DNAJC15: variants seen among roughly 807,000 people sequenced by gnomAD.
DNAJC15 encodes dnaJ homolog subfamily C member 15.
In DNAJC15, 27 loss-of-function variants were observed where a neutral mutation model predicts 22.4. The observed-to-expected ratio is 1.20, with a 90% CI of 0.89 to 1.66. The LOEUF (loss-of-function observed/expected upper bound fraction) is 1.66. Among genes scored for constraint, DNAJC15 ranks in the 40% most tolerant of loss-of-function variants. The pLI is 0.00. For synonymous variants in DNAJC15, 79 were observed against 63.2 expected (o/e 1.25, Z -1.19); for missense variants, 208 against 187.1 (o/e 1.11, Z -0.65).
chr13:43,086,220 A>G (rs1204300850), intron 5 of DNAJC15, among the ~76,000 whole-genome samples: 1 of 152,242 alleles, frequency 6.6e-6, no homozygotes, highest in East Asian at 1.9e-4. Flanking sequence ...TTTCCTCCAA[A>G]TCTGTGAATG....
chr13:43,050,739 C>G (rs1303204538), intron 1 of DNAJC15, among the ~76,000 whole-genome samples: 3 of 151,812 alleles, frequency 2.0e-5, no homozygotes, highest in African/African-American at 2.4e-5. Context: ...TAGATTAAAC[C>G]CTTTCAATAG....
intron 1 of DNAJC15, among the ~76,000 whole-genome samples, chr13:43,027,176 G>A (rs1021468113): frequency 3.3e-5 from 5 of 152,192 alleles, no homozygotes; most frequent in Non-Finnish European, 5.9e-5. Flanking sequence ...AACTCAGTTT[G>A]TATGAAACGG....
At chr13:43,080,845 C>T (rs1246013336) in intron 4 of DNAJC15, among the ~76,000 whole-genome samples, 2 of 152,204 alleles carry the variant, frequency 1.3e-5, no homozygotes, top group Non-Finnish European at 2.9e-5. Context: ...TTTGTCCTAA[C>T]ACATTAAGTG....
At chr13:43,039,277 G>A (rs1409656389) in intron 1 of DNAJC15, among the ~76,000 whole-genome samples, 1 of 152,032 alleles carries the variant, frequency 6.6e-6, no homozygotes, top group Non-Finnish European at 1.5e-5. Context: ...CTATGATTCC[G>A]TGACATTGAC....
chr13:43,027,703 C>G (rs1164741547), intron 1 of DNAJC15, among the ~76,000 whole-genome samples: 1 of 151,552 alleles, frequency 6.6e-6, no homozygotes, highest in Admixed American at 6.6e-5. Context: ...GTTGCCCAGG[C>G]TGGAATGCAA....
At chr13:43,106,636 AT>A (rs2040798230) in intron 5 of DNAJC15, among the ~76,000 whole-genome samples, 1 of 152,042 alleles carries the variant, frequency 6.6e-6, no homozygotes, top group African/African-American at 2.4e-5. Flanking sequence ...ATTTATCTCT[AT>A]TAAGTAAATA....
chr13:43,040,150 G>A (rs1482719935), intron 1 of DNAJC15, among the ~76,000 whole-genome samples: 1 of 152,224 alleles, frequency 6.6e-6, no homozygotes, highest in African/African-American at 2.4e-5. Context: ...GAACCTTTGA[G>A]AGCAGCTGTA....
chr13:43,083,734 C>T (rs775576518), intron 4 of DNAJC15, among the ~76,000 whole-genome samples: 3 of 151,966 alleles, frequency 2.0e-5, no homozygotes, highest in Non-Finnish European at 4.4e-5. Flanking sequence ...GTGTTCATAC[C>T]TCTGGTATGA....
intron 1 of DNAJC15, among the ~76,000 whole-genome samples, chr13:43,042,970 C>A (rs1358311150): frequency 1.3e-5 from 2 of 152,100 alleles, no homozygotes; most frequent in East Asian, 3.8e-4. Flanking sequence ...AAATATGCAA[C>A]CTGGTTTGGC....
At chr13:43,031,760 A>G (rs764223444) in intron 1 of DNAJC15, among the ~76,000 whole-genome samples, 20 of 152,244 alleles carry the variant, frequency 1.3e-4, no homozygotes, top group Non-Finnish European at 2.6e-4. Context: ...TGAGAAGTAG[A>G]TGAATCCCAG....
chr13:43,023,670 G>T lies in DNAJC15; in HGVS notation c.44G>T (p.Arg15Leu), dbSNP rs2040363193. 1 of 1,612,768 alleles carries T rather than the reference G, an allele frequency of 6.2e-7. No homozygotes were observed. The highest frequency in any genetic ancestry group is 1.7e-5 in the Admixed American group (1 of 59,956). ...GVIAPVGESLRYAEYLQPSAK... is the reference protein window; with the variant it reads ...GVIAPVGESLLYAEYLQPSAK... ...ATCGCTCCAGTTGGCGAGAGTTTGC[G>T]CTACGCTGAGTACTTGCAGCCCTCG... The change falls in exon 1 of 6, where the codon CGC (arginine) becomes CTC (leucine). Residue 15 changes from arginine to leucine, a missense_variant. By Grantham distance (102) the Arg-to-Leu change is moderately radical (BLOSUM62 -2). Transcript: ENST00000379221.
chr13:43,076,514 A>G (rs2040634601), intron 3 of DNAJC15, among the ~76,000 whole-genome samples: 1 of 152,236 alleles, frequency 6.6e-6, no homozygotes, highest in African/African-American at 2.4e-5. Context: ...AAAAACAAAG[A>G]AAAAATTATA....
At position 43,024,524 on chromosome 13, in the gene DNAJC15, T is replaced by C. The variant is rs1452215929; in HGVS notation, c.108+790T>C. ...ACTCCCGGCTAATTTTTTGTATTTTTAGTAGAGACGGGGGTTTCACCGTGT... is the reference window on the plus strand; with the variant it reads ...ACTCCCGGCTAATTTTTTGTATTTTCAGTAGAGACGGGGGTTTCACCGTGT... On this transcript the variant is annotated intron_variant, in intron 1 of 5. Coordinates refer to ENST00000379221, the MANE Select transcript of DNAJC15 (RefSeq NM_013238.3). 2.0e-5 allele frequency among the ~76,000 whole-genome samples: 3 copies of C among 151,724 alleles called. No individual in the cohort carries two copies. In the East Asian group the frequency reaches 5.8e-4, roughly 29 times the overall value.
intron 1 of DNAJC15, among the ~76,000 whole-genome samples, chr13:43,036,884 G>T (rs774082322): frequency 6.6e-6 from 1 of 152,250 alleles, no homozygotes; most frequent in Non-Finnish European, 1.5e-5. Context: ...CCACAACTTT[G>T]CCCCACCCTG....
chr13:43,099,186 GGTT>G (rs1254913925), intron 5 of DNAJC15, among the ~76,000 whole-genome samples: 2 of 151,840 alleles, frequency 1.3e-5, no homozygotes, highest in Non-Finnish European at 2.9e-5. Flanking sequence ...TTTATTTTCA[GGTT>G]GTTTATTATA....
chr13:43,092,920 A>G (rs2040722381), intron 5 of DNAJC15, among the ~76,000 whole-genome samples: 1 of 152,170 alleles, frequency 6.6e-6, no homozygotes, highest in Non-Finnish European at 1.5e-5. Context: ...TCTCAAAGAA[A>G]ACAAAACTGT....
intron 1 of DNAJC15, among the ~76,000 whole-genome samples, chr13:43,030,841 G>C (rs1433260695): frequency 6.6e-6 from 1 of 152,176 alleles, no homozygotes; most frequent in Non-Finnish European, 1.5e-5. Context: ...GTCTTTTCAA[G>C]GGTAAGGGAA....
intron 1 of DNAJC15, among the ~76,000 whole-genome samples, chr13:43,035,248 G>T (rs2040424028): frequency 6.6e-6 from 1 of 152,098 alleles, no homozygotes; most frequent in Non-Finnish European, 1.5e-5. Flanking sequence ...ATTGTGAAAG[G>T]AATTAGAGAG....
intron 1 of DNAJC15, among the ~76,000 whole-genome samples, chr13:43,031,819 T>C (rs1055414936): frequency 2.6e-5 from 4 of 152,252 alleles, no homozygotes; most frequent in African/African-American, 9.6e-5. Context: ...ATATTCTCTT[T>C]GTTTCTCTTT....
Sources: gnomAD v4.1 joint callset for allele counts (sites outside exome capture counted in the v4.1 genomes callset) on GRCh38, gnomAD v4.1.1 for gene constraint, MANE v1.5 for transcripts, NCBI Gene and HGNC (gene_info 2026-07-23, HGNC 2026-07-21) for gene names.